ADGRL2: variants seen among roughly 807,000 people sequenced by gnomAD.
ADGRL2 encodes calcium-independent alpha-latrotoxin receptor 2.
ADGRL2 carries 44 observed loss-of-function variants against 157.4 expected under a neutral mutation model. The observed-to-expected ratio is 0.28, with a 90% CI of 0.22 to 0.36. ADGRL2 has a LOEUF of 0.36. Ranked by LOEUF, ADGRL2 falls within the 10% of genes least tolerant of loss-of-function variation. The pLI is 1.00. For synonymous variants in ADGRL2, 585 were observed against 624.7 expected (o/e 0.94, Z 0.95); for missense variants, 1,510 against 1,768.9 (o/e 0.85, Z 2.63).
intron 1 of ADGRL2, among the ~76,000 whole-genome samples, chr1:81,756,607 T>C (rs911230896): frequency 6.6e-6 from 1 of 152,170 alleles, no homozygotes; most frequent in Non-Finnish European, 1.5e-5. Flanking sequence ...TAAAATATAT[T>C]AAAACCTTTT....
Position 81,456,187 on chromosome 1 carries a change from T to C in ADGRL2, c.-248+11098T>C, listed in dbSNP as rs908810340. 6.4e-4 allele frequency among the ~76,000 whole-genome samples: 98 copies of C among 152,084 alleles called. 1 individual carries two copies. Among genetic ancestry groups the C allele is most frequent in the Admixed American group, 2.6e-4 (4 of 15,260 alleles). On this transcript the variant is annotated intron_variant, in intron 2 of 24. Coordinates refer to the ADGRL2 transcript ENST00000370721. ...ACTTAGGATATGATATTTAAGGAAA[T>C]GGCAAATGCTTGTATTATACACTTG...
At chr1:81,755,711 C>T (rs2085664624) in intron 1 of ADGRL2, among the ~76,000 whole-genome samples, 1 of 152,132 alleles carries the variant, frequency 6.6e-6, no homozygotes, top group South Asian at 2.1e-4. Flanking sequence ...ATTCTACATT[C>T]TCTCTTCTTT....
intron 3 of ADGRL2, among the ~76,000 whole-genome samples, chr1:81,599,310 G>A (rs2081293486): frequency 6.6e-6 from 1 of 152,156 alleles, no homozygotes; most frequent in Non-Finnish European, 1.5e-5. Context: ...TGGTGAATAA[G>A]GGCCTGGAAC....
intron 2 of ADGRL2, among the ~76,000 whole-genome samples, chr1:81,862,048 GAA>G (rs763016111): frequency 1.3e-5 from 2 of 152,074 alleles, no homozygotes; most frequent in African/African-American, 4.8e-5. Context: ...TATAATAAAA[GAA>G]ATATTACGTT....
chr1:81,517,224 G>A (rs1358395707), intron 2 of ADGRL2, among the ~76,000 whole-genome samples: 1 of 151,978 alleles, frequency 6.6e-6, no homozygotes, highest in East Asian at 1.9e-4. Flanking sequence ...TGTAATCCCA[G>A]CACTTTGGGA....
At position 81,769,843 on chromosome 1, in the gene ADGRL2, A is replaced by T. The variant is rs113258828; in HGVS notation, c.-101+7991A>T. 3.2e-3 allele frequency among the ~76,000 whole-genome samples: 484 copies of T among 151,894 alleles called. 2 individuals are homozygous for T. The highest frequency in any genetic ancestry group is 0.011 in the African/African-American group (465 of 41,502). The stretch of plus-strand genomic sequence containing the variant: ...TCTTCCATTTATTTAGATTTTCAGT[A>T]ATGTTTTTATTTTCCTTTTCTTTTT... On this transcript the variant is annotated intron_variant, in intron 2 of 20. Transcript: ENST00000359929.
intron 1 of ADGRL2, chr1:81,722,714 G>A: frequency 1.0e-6 from 1 of 960,888 alleles, no homozygotes; most frequent in Non-Finnish European, 1.7e-6. Context: ...AGCGAAACGT[G>A]AAGAGCGAGA....
At chr1:81,715,587 G>A (rs2084088406) in intron 1 of ADGRL2, among the ~76,000 whole-genome samples, 1 of 152,110 alleles carries the variant, frequency 6.6e-6, no homozygotes, top group Non-Finnish European at 1.5e-5. Context: ...GAGTTATTAT[G>A]TTAAGCGTGG....
At chr1:81,934,913 G>GT (rs1303789730) in intron 3 of ADGRL2, among the ~76,000 whole-genome samples, 2 of 151,910 alleles carry the variant, frequency 1.3e-5, no homozygotes, top group African/African-American at 2.4e-5. Context: ...AAGGACTTTT[G>GT]TTTTTAATGG....
chr1:81,938,288 G>T (rs1349866307), intron 4 of ADGRL2, among the ~76,000 whole-genome samples: 1 of 151,710 alleles, frequency 6.6e-6, no homozygotes, highest in Admixed American at 6.6e-5. Flanking sequence ...AATTAGAGAA[G>T]AAATACAGCA....
chr1:81,324,078 C>T (rs1027775707), intron 1 of ADGRL2, among the ~76,000 whole-genome samples: 19 of 152,082 alleles, frequency 1.2e-4, no homozygotes, highest in African/African-American at 4.6e-4. Context: ...TTTTGTCTGG[C>T]TAATGTATTG....
chr1:81,865,202 G>T (rs2093504949), intron 2 of ADGRL2, among the ~76,000 whole-genome samples: 1 of 152,024 alleles, frequency 6.6e-6, no homozygotes, highest in African/African-American at 2.4e-5. Flanking sequence ...ACCTTATTTT[G>T]TTTTTCTAAA....
chr1:81,628,323 A>G (rs1015877213), intron 3 of ADGRL2, among the ~76,000 whole-genome samples: 35 of 152,176 alleles, frequency 2.3e-4, no homozygotes, highest in Admixed American at 6.5e-5. Context: ...CGGAGCTATC[A>G]TTTGGGTGTG....
At chr1:81,975,402 GAA>G (rs958962124) in intron 17 of ADGRL2, among the ~76,000 whole-genome samples, 1 of 151,968 alleles carries the variant, frequency 6.6e-6, no homozygotes, top group Non-Finnish European at 1.5e-5. Flanking sequence ...ACACTGAAAA[GAA>G]AAAACAAAGA....
chr1:81,928,897 C>T (rs1315197786), intron 3 of ADGRL2, among the ~76,000 whole-genome samples: 2 of 150,222 alleles, frequency 1.3e-5, no homozygotes, highest in African/African-American at 4.9e-5. Flanking sequence ...CAGAAAGTAA[C>T]TCAGGAAAAA....
At chr1:81,797,589 T>C (rs2087653699), upstream of ADGRL2, among the ~76,000 whole-genome samples, 1 of 152,190 alleles carries the variant, frequency 6.6e-6, no homozygotes, top group African/African-American at 2.4e-5. Flanking sequence ...TGCACCTATG[T>C]CCATTTTCAT....
chr1:81,659,418 T>G (rs1196507213), intron 3 of ADGRL2, among the ~76,000 whole-genome samples: 1 of 152,110 alleles, frequency 6.6e-6, no homozygotes, highest in African/African-American at 2.4e-5. Context: ...TCCCCCAAAG[T>G]GCATGCCAAT....
At chr1:81,878,058 T>C (rs2093887956) in intron 2 of ADGRL2, among the ~76,000 whole-genome samples, 1 of 152,196 alleles carries the variant, frequency 6.6e-6, no homozygotes, top group African/African-American at 2.4e-5. Flanking sequence ...AATAAACATT[T>C]ATAGTTTCTG....
intron 3 of ADGRL2, among the ~76,000 whole-genome samples, chr1:81,581,981 G>A (rs142815410): frequency 6.6e-6 from 1 of 152,084 alleles, no homozygotes; most frequent in African/African-American, 2.4e-5. Context: ...AGAACTTTGG[G>A]AGGCCAAGGT....
Sources: allele counts gnomAD v4.1 joint callset (sites outside exome capture counted in the v4.1 genomes callset), GRCh38; gene constraint gnomAD v4.1.1; transcripts MANE v1.5; gene names NCBI Gene and HGNC (gene_info 2026-07-23, HGNC 2026-07-21).